The following NCAM1 variants were observed in gnomAD, a reference collection of about 807,000 sequenced individuals.
NCAM1 encodes the protein neural cell adhesion molecule 1.
NCAM1 carries 14 observed loss-of-function variants against 109.8 expected under a neutral mutation model. That is an observed-to-expected ratio of 0.13 (90% confidence interval 0.08 to 0.20). The LOEUF (loss-of-function observed/expected upper bound fraction) is 0.20. NCAM1 is among the 10% of genes least tolerant of loss of function. The pLI, the probability that NCAM1 is intolerant of heterozygous loss-of-function variation, is 1.00. For missense variants in NCAM1, 774 were observed against 1,109.9 expected (o/e 0.70, Z 4.30); for synonymous variants, 418 against 442.9 (o/e 0.94, Z 0.70).
intron 1 of NCAM1, among the ~76,000 whole-genome samples, chr11:113,169,720 C>T (rs559932436): frequency 1.2e-3 from 183 of 150,542 alleles, no homozygotes; most frequent in African/African-American, 2.3e-3. Context: ...CTCGGCCTTC[C>T]GGGTTCAAGC....
At chr11:113,014,513 G>A (rs998151015) in intron 1 of NCAM1, among the ~76,000 whole-genome samples, 7 of 152,278 alleles carry the variant, frequency 4.6e-5, no homozygotes, top group Non-Finnish European at 1.0e-4. Context: ...TCTTTAAGAT[G>A]AATGAATGCT....
intron 1 of NCAM1, among the ~76,000 whole-genome samples, chr11:113,077,150 G>A (rs1430466257): frequency 6.6e-6 from 1 of 152,134 alleles, no homozygotes; most frequent in African/African-American, 2.4e-5. Context: ...GTAATTAGGT[G>A]GAGGAGGCAG....
intron 1 of NCAM1, among the ~76,000 whole-genome samples, chr11:112,987,923 C>T (rs1446226603): frequency 6.6e-6 from 1 of 152,046 alleles, no homozygotes; most frequent in African/African-American, 2.4e-5. Flanking sequence ...TAAGGAATTA[C>T]TATGCCATTT....
chr11:113,111,626 G>C (rs529590611), intron 1 of NCAM1, among the ~76,000 whole-genome samples: 3 of 152,236 alleles, frequency 2.0e-5, no homozygotes, highest in African/African-American at 7.2e-5. Context: ...ACTCAGGATT[G>C]TATACAAAAT....
chr11:113,123,713 G>A (rs1941063302), intron 1 of NCAM1, among the ~76,000 whole-genome samples: 1 of 152,170 alleles, frequency 6.6e-6, no homozygotes, highest in Non-Finnish European at 1.5e-5. Flanking sequence ...TGTGTTTCCT[G>A]GCTGTAGGAG....
At chr11:113,247,475 G>A (rs1406586042) in intron 15 of NCAM1, among the ~76,000 whole-genome samples, 1 of 152,094 alleles carries the variant, frequency 6.6e-6, no homozygotes. Context: ...TTTGTTCCCG[G>A]TCTGCTCTTG....
At chr11:113,127,164 G>T (rs1941212102) in intron 1 of NCAM1, among the ~76,000 whole-genome samples, 1 of 152,162 alleles carries the variant, frequency 6.6e-6, no homozygotes, top group African/African-American at 2.4e-5. Flanking sequence ...GACTCATTTG[G>T]GAGCTTGTTA....
chr11:113,139,756 C>CA lies in NCAM1; in HGVS notation c.53-62613dup, dbSNP rs536684641. Among the ~76,000 whole-genome samples, 687 of 142,302 alleles carry CA rather than the reference C, an allele frequency of 4.8e-3. 4 individuals carry two copies. The highest frequency in any genetic ancestry group is 0.026 in the Admixed American group (377 of 14,304). The allele number at this position is 142,302 out of a possible 152,430, so 93.4% of individuals were successfully genotyped here. On this transcript the variant is annotated intron_variant, in intron 1 of 19. Coordinates refer to ENST00000316851, the MANE Select transcript of NCAM1 (RefSeq NM_181351.5). The stretch of plus-strand genomic sequence containing the variant: ...CAAAAATCTTTCTGTACATTTTCAG[C>CA]AAAAAAAAAAGTCATCAGAAAGGAG...
At chr11:113,085,142 C>T (rs1046961132) in intron 1 of NCAM1, among the ~76,000 whole-genome samples, 3 of 152,198 alleles carry the variant, frequency 2.0e-5, no homozygotes, top group African/African-American at 4.8e-5. Flanking sequence ...ATAGCATTTC[C>T]ACCCATAAAG....
chr11:113,271,948 CCTCCCGTGCCCCTACCCACAG>C, intron 19 of NCAM1, 72 bp downstream of exon 19: 1 of 1,172,342 alleles, frequency 8.5e-7, no homozygotes, highest in Non-Finnish European at 1.2e-6. Flanking sequence ...CCTACCCCCA[CCTCCCGTGCCCCTACCCACAG>C]CTCCCGGCCA....
chr11:112,992,732 C>G (rs1951497910), intron 1 of NCAM1, among the ~76,000 whole-genome samples: 1 of 152,098 alleles, frequency 6.6e-6, no homozygotes, highest in South Asian at 2.1e-4. Context: ...TGATCTCGAT[C>G]TCCTGACCTC....
Position 113,270,348 on chromosome 11 carries a change from G to T in NCAM1, c.2292G>T (p.Gly764=). The T allele has an allele frequency of 6.2e-7, 1 of 1,613,992 alleles. No homozygotes were observed. Among genetic ancestry groups the T allele is most frequent in the Non-Finnish European group, 8.5e-7 (1 of 1,179,894 alleles). The change falls in exon 18 of 20, where the codon GGG becomes GGT. Residue 764 remains glycine (G), a synonymous_variant. Coordinates refer to ENST00000316851, the MANE Select transcript of NCAM1 (RefSeq NM_181351.5). Reference sequence around the variant, plus strand: ...CGGTCAACCTGTGTGGAAAAGCCGGGCCCGGGGCCAAGGGCAAGGACATGG... The same window carrying T: ...CGGTCAACCTGTGTGGAAAAGCCGGTCCCGGGGCCAAGGGCAAGGACATGG... The part of the protein sequence containing the change: ...CIAVNLCGKA[G]PGAKGKDMEE...
chr11:113,196,521 G>A (rs548930377), intron 1 of NCAM1, among the ~76,000 whole-genome samples: 3 of 152,270 alleles, frequency 2.0e-5, no homozygotes, highest in Admixed American at 1.3e-4. Flanking sequence ...GTTACTAGAG[G>A]TTAATTAAGA....
At chr11:113,010,822 C>T (rs1952027819) in intron 1 of NCAM1, among the ~76,000 whole-genome samples, 1 of 152,084 alleles carries the variant, frequency 6.6e-6, no homozygotes, top group Non-Finnish European at 1.5e-5. Context: ...ACAATAAAGT[C>T]AGGTTATCAT....
At chr11:113,197,672 G>A (rs1555111071) in intron 1 of NCAM1, among the ~76,000 whole-genome samples, 2 of 152,160 alleles carry the variant, frequency 1.3e-5, no homozygotes, top group African/African-American at 4.8e-5. Context: ...TCTTGACAAG[G>A]AAGTATTTTC....
chr11:113,158,984 A>G (rs1942508937), intron 1 of NCAM1, among the ~76,000 whole-genome samples: 1 of 152,252 alleles, frequency 6.6e-6, no homozygotes, highest in Non-Finnish European at 1.5e-5. Flanking sequence ...TTCTAACAAT[A>G]GTTATCTCTA....
rs188528898 is a variant in NCAM1, at chr11:113,137,853, G to A, written c.53-64526G>A. Among the ~76,000 whole-genome samples, 110 of 152,254 alleles carry A rather than the reference G, an allele frequency of 7.2e-4. 1 individual carries two copies. The highest frequency in any genetic ancestry group is 2.0e-3 in the Admixed American group (30 of 15,304). ...TGAAGGGTAGCATGTTTGACCAGTC[G>A]TGTTCGGAAATCATTCTTGTTCTCT... On this transcript the variant is annotated intron_variant, in intron 1 of 19. Coordinates refer to ENST00000316851, the MANE Select transcript of NCAM1 (RefSeq NM_181351.5).
chr11:113,154,264 CA>C (rs1465379890), intron 1 of NCAM1, among the ~76,000 whole-genome samples: 1 of 152,036 alleles, frequency 6.6e-6, no homozygotes, highest in Non-Finnish European at 1.5e-5. Flanking sequence ...ATTACTAGTT[CA>C]AAAGTTTGGC....
At chr11:113,226,866 A>T (rs868950934) in intron 9 of NCAM1, among the ~76,000 whole-genome samples, 2,013 of 152,320 alleles carry the variant, frequency 0.013, 32 homozygotes, top group African/African-American at 0.039. Flanking sequence ...GAAATAAAGA[A>T]GTTCTTTGAA....
Sources: gnomAD v4.1 joint callset for allele counts (sites outside exome capture counted in the v4.1 genomes callset) on GRCh38, gnomAD v4.1.1 for gene constraint, MANE v1.5 for transcripts, NCBI Gene and HGNC (gene_info 2026-07-23, HGNC 2026-07-21) for gene names.